CPA6: variants seen among roughly 807,000 people sequenced by gnomAD.
CPA6 encodes carboxypeptidase A6.
In CPA6, 58 loss-of-function variants were observed where a neutral mutation model predicts 63.3. That is an observed-to-expected ratio of 0.92 (90% CI 0.74 to 1.14). The LOEUF (loss-of-function observed/expected upper bound fraction) is 1.14, where lower values mean the gene tolerates loss of function less well. Among genes scored for constraint, CPA6 ranks in the 50% most tolerant of loss-of-function variants. CPA6 has a pLI of 0.00. For synonymous variants in CPA6, 185 were observed against 179.0 expected, an observed-to-expected ratio of 1.03 and a Z score of -0.27; for missense variants, 565 against 526.6, an observed-to-expected ratio of 1.07 and a Z score of -0.71.
At chr8:67,464,763 C>A (rs563383724) in intron 8 of CPA6, among the ~76,000 whole-genome samples, 6 of 152,118 alleles carry the variant, frequency 3.9e-5, no homozygotes, top group African/African-American at 1.4e-4. Flanking sequence ...TTATTGAATA[C>A]GGAGTCCTAT....
intron 1 of CPA6, among the ~76,000 whole-genome samples, chr8:67,637,157 A>G (rs905639422): frequency 2.6e-5 from 4 of 151,712 alleles, no homozygotes; most frequent in African/African-American, 9.8e-5. Flanking sequence ...AGAAAAACAC[A>G]TAGTCTTCAG....
chr8:67,734,022 C>T (rs12678111), intron 1 of CPA6, among the ~76,000 whole-genome samples: 12,468 of 147,808 alleles, frequency 0.084, 619 homozygotes, highest in East Asian at 0.15. Flanking sequence ...TGCAGGCATG[C>T]GCCACCACAC....
chr8:67,745,997 A>AT lies in CPA6; in HGVS notation c.116+16_116+17insA. On this transcript the variant is annotated intron_variant, in intron 1 of 10. Transcript: ENST00000297770. Reference sequence around the variant, plus strand: ...CCAAATCAAAGCTGTGTAGGGCATGAATGTCGCTCCACTTACCCAGCATAG... The same window carrying AT: ...CCAAATCAAAGCTGTGTAGGGCATGATATGTCGCTCCACTTACCCAGCATAG... The AT allele has an allele frequency of 6.3e-7, 1 of 1,590,796 alleles. No individual in the cohort carries two copies. Among genetic ancestry groups the AT allele is most frequent in the Non-Finnish European group, 8.6e-7 (1 of 1,160,368 alleles).
At chr8:67,595,753 T>A (rs1814313344) in intron 2 of CPA6, among the ~76,000 whole-genome samples, 1 of 152,182 alleles carries the variant, frequency 6.6e-6, no homozygotes, top group Non-Finnish European at 1.5e-5. Flanking sequence ...AGTATTCGGG[T>A]GGGAGTGGCC....
chr8:67,430,131 ATGTGTGTG>A (rs58059553), intron 9 of CPA6, among the ~76,000 whole-genome samples: 4,804 of 128,620 alleles, frequency 0.037, 317 homozygotes, highest in African/African-American at 0.13. Context: ...GTATATATAT[ATGTGTGTG>A]TGTGTGTGTG....
chr8:67,551,674 G>A (rs1270897349), intron 2 of CPA6, among the ~76,000 whole-genome samples: 2 of 152,108 alleles, frequency 1.3e-5, no homozygotes, highest in Non-Finnish European at 1.5e-5. Context: ...TTTTCCATTT[G>A]TTTATATCAT....
chr8:67,490,417 T>G (rs1335238469), intron 6 of CPA6, among the ~76,000 whole-genome samples: 1 of 152,184 alleles, frequency 6.6e-6, no homozygotes, highest in Admixed American at 6.5e-5. Context: ...GAGGAAGACT[T>G]AAGTAGTCGG....
intron 8 of CPA6, among the ~76,000 whole-genome samples, chr8:67,450,008 G>A (rs1000410576): frequency 5.9e-5 from 9 of 151,870 alleles, no homozygotes; most frequent in Non-Finnish European, 1.0e-4. Context: ...TAGAGACGGG[G>A]TTTTGCCACA....
chr8:67,539,184 G>A (rs902284730), intron 2 of CPA6, among the ~76,000 whole-genome samples: 1 of 152,140 alleles, frequency 6.6e-6, no homozygotes, highest in Non-Finnish European at 1.5e-5. Flanking sequence ...CTCTTGTAAG[G>A]TAGGCCTGGT....
At chr8:67,701,660 T>C (rs1376677765) in intron 1 of CPA6, among the ~76,000 whole-genome samples, 1 of 152,194 alleles carries the variant, frequency 6.6e-6, no homozygotes, top group Non-Finnish European at 1.5e-5. Flanking sequence ...TGTGTGGTTA[T>C]TCAGATGTCC....
chr8:67,571,719 A>T (rs74936792), intron 2 of CPA6, among the ~76,000 whole-genome samples: 10,528 of 152,258 alleles, frequency 0.069, 667 homozygotes, highest in African/African-American at 0.16. Context: ...TTTGTAGCAA[A>T]AACGCCTACA....
At chr8:67,428,161 A>G in intron 9 of CPA6, 30 bp from the exon 10 acceptor site, 1 of 1,365,976 alleles carries the variant, frequency 7.3e-7, no homozygotes, top group Non-Finnish European at 1.0e-6. Context: ...AATTTTATAT[A>G]TTGTTGCATT....
intron 1 of CPA6, among the ~76,000 whole-genome samples, chr8:67,708,866 C>G (rs766877644): frequency 6.6e-6 from 1 of 152,078 alleles, no homozygotes; most frequent in Non-Finnish European, 1.5e-5. Flanking sequence ...CAGGAGAGGG[C>G]CCCCAACCCC....
rs1173785185 is a variant in CPA6 at position 67,511,561 on chromosome 8, C to G, written c.412G>C (p.Val138Leu). Residue 138 changes from valine to leucine, a missense_variant, in exon 4 of 11, where the codon GTT (valine) becomes CTT (leucine). By Grantham distance (32) the Val-to-Leu change is conservative. Coordinates refer to ENST00000297770, the MANE Select transcript of CPA6 (RefSeq NM_020361.5). ...CATACTTCTTCTAAGGAGTGATAAA[C>G]TTCATAATTATATCCAGAGAGGGAT... ...RRSLSGYNYE[V>L]YHSLEEIQNW... The G allele has an allele frequency of 6.2e-7, 1 of 1,600,642 alleles. No homozygotes were observed. Among genetic ancestry groups the G allele is most frequent in the Non-Finnish European group, 8.6e-7 (1 of 1,167,962 alleles).
chr8:67,422,756 T>A, intron 10 of CPA6, 65 bp from the exon 11 acceptor site: 1 of 1,211,192 alleles, frequency 8.3e-7, no homozygotes, highest in South Asian at 1.5e-5. Flanking sequence ...TTTCTAAATG[T>A]ATATACTATA....
At chr8:67,690,205 T>C (rs1207253273) in intron 1 of CPA6, among the ~76,000 whole-genome samples, 1 of 152,212 alleles carries the variant, frequency 6.6e-6, no homozygotes, top group Non-Finnish European at 1.5e-5. Context: ...GTTCAATTAA[T>C]GTTAATCAAA....
rs536941658 is a variant in CPA6 at position 67,514,581 on chromosome 8, C to G, written c.318-2926G>C. Among the ~76,000 whole-genome samples the G allele has an allele frequency of 2.6e-5, 4 of 152,288 alleles. No individual in the cohort carries two copies. The East Asian group carries it at 7.7e-4, about 29-fold the overall frequency. ...CAATGAAATGAATAATTCTAAATGACTGTTCTCCAGTGAAGAGGCAACTGA... is the reference window on the plus strand; with the variant it reads ...CAATGAAATGAATAATTCTAAATGAGTGTTCTCCAGTGAAGAGGCAACTGA... On this transcript the variant is annotated intron_variant, in intron 3 of 10. Transcript: ENST00000297770.
At chr8:67,477,147 T>C (rs1029518379) in intron 8 of CPA6, among the ~76,000 whole-genome samples, 1 of 151,924 alleles carries the variant, frequency 6.6e-6, no homozygotes, top group Non-Finnish European at 1.5e-5. Flanking sequence ...AAAAATTAGT[T>C]GGGAGTGGTG....
chr8:67,538,806 C>T (rs964315008), intron 2 of CPA6, among the ~76,000 whole-genome samples: 2 of 151,954 alleles, frequency 1.3e-5, no homozygotes, highest in Non-Finnish European at 2.9e-5. Context: ...ACTACAGGTG[C>T]CTGCCACTAT....
Sources: allele counts gnomAD v4.1 joint callset (sites outside exome capture counted in the v4.1 genomes callset), GRCh38; gene constraint gnomAD v4.1.1; transcripts MANE v1.5; gene names NCBI Gene and HGNC (gene_info 2026-07-23, HGNC 2026-07-21).